The following TBRG1 variants were observed in gnomAD, a reference collection of about 807,000 sequenced individuals.
TBRG1 encodes nuclear interactor of ARF and MDM2.
A neutral mutation model predicts 44.0 loss-of-function variants in TBRG1; 31 were observed. The ratio of observed to expected loss-of-function variants is 0.70; its 90% CI spans 0.53 to 0.95. The LOEUF is 0.95. Among genes scored for constraint, TBRG1 ranks in the 40% least tolerant of loss-of-function variants. The pLI is 0.00. For synonymous variants in TBRG1, 171 were observed against 188.1 expected (o/e 0.91, Z 0.74); for missense variants, 487 against 496.1 (o/e 0.98, Z 0.18).
Position 124,626,531 on chromosome 11 carries a change from G to C in TBRG1, c.513G>C (p.Gln171His). ...CGGGAGGTGCTCGCAAGCTGGTTCA[G>C]CCCATTGCCCTGGATCCCTCAGGAC... ...KMAGGARKLV[Q>H]PIALDPSGRP... The change falls in exon 4 of 9, where the codon CAG becomes CAC. Residue 171 changes from glutamine to histidine, a missense_variant. By Grantham distance (24) the Gln-to-His change is conservative. Transcript: ENST00000441174. The C allele has an allele frequency of 6.4e-7, 1 of 1,551,278 alleles. No homozygotes were observed. Among genetic ancestry groups the C allele is most frequent in the Non-Finnish European group, 8.7e-7 (1 of 1,146,732 alleles).
intron 4 of TBRG1, 46 bp from the exon 5 acceptor site, chr11:124,626,858 A>G: frequency 6.3e-7 from 1 of 1,581,720 alleles, no homozygotes; most frequent in Non-Finnish European, 8.6e-7. Context: ...GGACTTCTAA[A>G]TTCTTCAGTG....
rs1441337523 is a variant in TBRG1, at chr11:124,623,095, G to T, written c.12G>T (p.Leu4=). 2.7e-5 allele frequency: 42 copies of T among 1,549,644 alleles called. No homozygotes were observed. The highest frequency in any genetic ancestry group is 3.5e-5 in the Non-Finnish European group (40 of 1,146,388). MSL[L]DGLASSPRAP... is the part of the protein sequence containing the mutation. The stretch of plus-strand genomic sequence containing the variant: ...AGCGGGGCTGGACCATGAGCCTGCT[G>T]GACGGCCTCGCTTCCTCGCCGCGGG... Residue 4 remains leucine, a synonymous_variant, in exon 1 of 9, where the codon CTG becomes CTT. Transcript: ENST00000441174.
chr11:124,626,778 C>T, intron 4 of TBRG1, 126 bp from the exon 5 acceptor site: 1 of 1,478,996 alleles, frequency 6.8e-7, no homozygotes, highest in Non-Finnish European at 9.2e-7. Context: ...ACACAGCCTA[C>T]TCTCTGTCTT....
chr11:124,623,493 C>A (rs1326897482), intron 1 of TBRG1: 1 of 543,156 alleles, frequency 1.8e-6, no homozygotes, highest in Non-Finnish European at 3.4e-6. Flanking sequence ...AAAAGACATA[C>A]CAATAAATTT....
rs1476234299 is a variant in TBRG1, at chr11:124,623,186, C to T, written c.103C>T (p.Arg35Trp). 3.9e-6 allele frequency: 6 copies of T among 1,551,568 alleles called. No homozygotes were observed. The highest frequency in any genetic ancestry group is 2.7e-5 in the African/African-American group (2 of 73,066). ...GAAGAAGAGCCAGAATGAGAAGTAC[C>T]GGCTGAAGTACCTGCGGCTGCGCAA... The part of the protein sequence containing the change: ...LPKKSQNEKY[R>W]LKYLRLRKAA... The change falls in exon 1 of 9, where the codon CGG (arginine) becomes TGG (tryptophan). Residue 35 changes from arginine (R) to tryptophan (W), a missense_variant. Arg to Trp is a moderately radical substitution (Grantham distance 101). Transcript: ENST00000441174.
At chr11:124,625,047 G>A (rs374502736) in intron 2 of TBRG1, 46 bp downstream of exon 2, 46 of 1,305,018 alleles carry the variant, frequency 3.5e-5, no homozygotes, top group Non-Finnish European at 4.7e-5. Context: ...TTTGGTGATT[G>A]ATTTGGTGAT....
chr11:124,626,663 G>C, intron 4 of TBRG1, 54 bp downstream of exon 4: 3 of 1,540,064 alleles, frequency 1.9e-6, no homozygotes, highest in Non-Finnish European at 2.6e-6. Flanking sequence ...ACGGGAATGG[G>C]GTTGAGCCTT....
intron 5 of TBRG1, among the ~76,000 whole-genome samples, chr11:124,627,769 C>T (rs1282063469): frequency 1.3e-5 from 2 of 151,944 alleles, no homozygotes; most frequent in Non-Finnish European, 2.9e-5. Flanking sequence ...TGAGAGCTTA[C>T]GTGACCTCAA....
Position 124,624,959 on chromosome 11 carries a change from C to T in TBRG1, c.179C>T (p.Ala60Val), listed in dbSNP as rs925470684. The T allele has an allele frequency of 1.1e-5, 17 of 1,548,634 alleles. No individual in the cohort carries two copies. Among genetic ancestry groups the T allele is most frequent in the Non-Finnish European group, 1.2e-5 (14 of 1,145,154 alleles). ...AATGCTGCTATTTGTGATGAAATTG[C>T]TCGTCTTGAGGAAAAATTTCTTAAA... ...FENAAICDEI[A>V]RLEEKFLKAK... The change falls in exon 2 of 9, where the codon GCT becomes GTT. Residue 60 changes from alanine (A) to valine (V), a missense_variant. Ala to Val is a moderately conservative substitution (Grantham distance 64, BLOSUM62 0). Transcript: ENST00000441174.
chr11:124,635,851 A>G lies in TBRG1; in HGVS notation c.*3613A>G, dbSNP rs1312834161. Reference sequence around the variant, plus strand: ...TTCTTATAGGTAACATAATTTTCAGACAATGTTAGCTGTTTTTAATCCATC... The same window carrying G: ...TTCTTATAGGTAACATAATTTTCAGGCAATGTTAGCTGTTTTTAATCCATC... On this transcript the variant is annotated 3_prime_UTR_variant, in exon 9 of 9. Transcript: ENST00000441174. 6.6e-6 allele frequency: 1 copy of G among 151,742 alleles called. No individual in the cohort carries two copies. Among genetic ancestry groups the G allele is most frequent in the East Asian group, 1.9e-4 (1 of 5,194 alleles). The allele number at this position is 151,742 out of a possible 1,614,324, so 9.4% of individuals were successfully genotyped here. A position where few individuals can be genotyped will look rare whatever the true frequency, so the allele number is the denominator to read the frequency against.
chr11:124,631,800 A>G (rs1030530662), intron 8 of TBRG1: 5 of 436,274 alleles, frequency 1.1e-5, no homozygotes, highest in Non-Finnish European at 2.1e-5. Flanking sequence ...TCCTCCCACA[A>G]ATGAGTGATC....
Position 124,622,918 on chromosome 11 carries a change from G to T in TBRG1, c.-166G>T. On this transcript the variant is annotated 5_prime_UTR_variant, in exon 1 of 9. Coordinates refer to ENST00000441174, the MANE Select transcript of TBRG1 (RefSeq NM_032811.3). ...AGGCGCCGGGAGCCCGTTCGGTTGCGGGTGTCTCTGGCCCTGCGGTCAGCC... is the reference window on the plus strand; with the variant it reads ...AGGCGCCGGGAGCCCGTTCGGTTGCTGGTGTCTCTGGCCCTGCGGTCAGCC... 4.3e-6 allele frequency: 3 copies of T among 696,800 alleles called. No homozygotes were observed. The highest frequency in any genetic ancestry group is 6.8e-6 in the Non-Finnish European group (3 of 438,340). 43.2% of individuals were successfully genotyped at this position (696,800 alleles called of 1,614,324 possible). A position where few individuals can be genotyped will look rare whatever the true frequency, so the allele number is the denominator to read the frequency against.
Position 124,632,590 on chromosome 11 carries a change from T to C in TBRG1, c.*352T>C. 5.7e-6 allele frequency: 1 copy of C among 175,028 alleles called. No individual in the cohort carries two copies. Among genetic ancestry groups the C allele is most frequent in the South Asian group, 1.3e-4 (1 of 7,862 alleles). 10.8% of individuals were successfully genotyped at this position (175,028 alleles called of 1,614,324 possible). A position where few individuals can be genotyped will look rare whatever the true frequency, so the allele number is the denominator to read the frequency against. ...TAGACAGGTTGGTTTATAAATAACA[T>C]GAATTTATTTCTCACAGTTCTGGAT... is the stretch of plus-strand genomic sequence containing the variant. On this transcript the variant is annotated 3_prime_UTR_variant, in exon 9 of 9. Coordinates refer to ENST00000441174, the MANE Select transcript of TBRG1 (RefSeq NM_032811.3).
chr11:124,630,921 TC>T, intron 7 of TBRG1, 66 bp downstream of exon 7: 1 of 1,172,866 alleles, frequency 8.5e-7, no homozygotes, highest in Non-Finnish European at 1.2e-6. Flanking sequence ...GACTGGCAGT[TC>T]CTACTTTGTT....
chr11:124,635,344 A>C lies in TBRG1; in HGVS notation c.*3106A>C, dbSNP rs1050011498. ...TCAGGGGAGCCAACGTTCCTTGTAA[A>C]GTGTGTAGATTTTTTGTTTTTTAAC... On this transcript the variant is annotated 3_prime_UTR_variant, in exon 9 of 9. Coordinates refer to ENST00000441174, the MANE Select transcript of TBRG1 (RefSeq NM_032811.3). 6.6e-6 allele frequency: 1 copy of C among 152,206 alleles called. No individual in the cohort carries two copies. The highest frequency in any genetic ancestry group is 2.1e-4 in the South Asian group (1 of 4,826). The allele number at this position is 152,206 out of a possible 1,614,324, so 9.4% of individuals were successfully genotyped here. A position where few individuals can be genotyped will look rare whatever the true frequency, so the allele number is the denominator to read the frequency against.
Position 124,631,784 on chromosome 11 carries a change from A to G in TBRG1, c.1091-309A>G. 11 of 433,322 alleles carry G rather than the reference A, an allele frequency of 2.5e-5. No homozygotes were observed. The South Asian group carries it at 2.8e-4, about 11-fold the overall frequency. 26.8% of individuals were successfully genotyped at this position (433,322 alleles called of 1,614,324 possible). A position where few individuals can be genotyped will look rare whatever the true frequency, so the allele number is the denominator to read the frequency against. On this transcript the variant is annotated intron_variant, in intron 8 of 8. Coordinates refer to ENST00000441174, the MANE Select transcript of TBRG1 (RefSeq NM_032811.3). ...AAGGCCTTGGCCCTGCCTGTGTTCC[A>G]TGAGTTCCTCCCACAAATGAGTGAT...
In TBRG1 at chr11:124,631,419, T is replaced by A; in HGVS notation, c.1090+2T>A. 6.2e-7 allele frequency: 1 copy of A among 1,613,896 alleles called. No individual in the cohort carries two copies. The highest frequency in any genetic ancestry group is 8.5e-7 in the Non-Finnish European group (1 of 1,179,860). On this transcript the variant is annotated splice_donor_variant, in intron 8 of 8. Transcript: ENST00000441174. LOFTEE classifies it high-confidence loss of function. ...ATCAGAATGATCCCCTTCTGCCAGG[T>A]ATCTTTAACTTTACCTTTCTGGTTT...
rs527764626 is a variant in TBRG1 at position 124,625,844 on chromosome 11, T to G, written c.395T>G (p.Phe132Cys). 3.8e-6 allele frequency: 6 copies of G among 1,580,108 alleles called. No homozygotes were observed. In the Admixed American group the frequency reaches 1.1e-4, roughly 30 times the overall value. The part of the protein sequence containing the change: ...SGPSTGAEEP[F>C]GKKTKKEKKE... ...CCCAGCACTGGGGCTGAGGAACCAT[T>G]TGGGAAGAAAACTAAGAAGGAGAAA... Residue 132 changes from phenylalanine to cysteine, a missense_variant, in exon 3 of 9, where the codon TTT (phenylalanine) becomes TGT (cysteine). By Grantham distance (205) the Phe-to-Cys change is radical. Coordinates refer to ENST00000441174, the MANE Select transcript of TBRG1 (RefSeq NM_032811.3).
intron 2 of TBRG1, among the ~76,000 whole-genome samples, chr11:124,625,349 T>C (rs894934796): frequency 3.3e-5 from 5 of 152,278 alleles, no homozygotes; most frequent in African/African-American, 1.2e-4. Flanking sequence ...AAATATTTAT[T>C]CTGTACGTAC....
Sources: gnomAD v4.1 joint callset for allele counts (sites outside exome capture counted in the v4.1 genomes callset) on GRCh38, gnomAD v4.1.1 for gene constraint, MANE v1.5 for transcripts, NCBI Gene and HGNC (gene_info 2026-07-23, HGNC 2026-07-21) for gene names.